The following GNG7 variants were observed in gnomAD, a reference collection of about 807,000 sequenced individuals.
GNG7 encodes G protein subunit gamma 7.
In GNG7, 1 loss-of-function variant was observed where a neutral mutation model predicts 4.0. The observed-to-expected ratio is 0.25, with a 90% CI of 0.09 to 1.18. The LOEUF (loss-of-function observed/expected upper bound fraction) is 1.18, where lower values mean the gene tolerates loss of function less well. GNG7 is among the 50% of genes most tolerant of loss of function. The pLI, the probability that GNG7 is intolerant of heterozygous loss-of-function variation, is 0.50. For synonymous variants in GNG7, 34 were observed against 36.9 expected (o/e 0.92, Z 0.29); for missense variants, 86 against 91.9 (o/e 0.94, Z 0.26).
At chr19:2,517,951 C>T (rs1978291420) in intron 4 of GNG7, among the ~76,000 whole-genome samples, 1 of 152,208 alleles carries the variant, frequency 6.6e-6, no homozygotes, top group African/African-American at 2.4e-5. Flanking sequence ...CTCATGCCCA[C>T]AGAGTGAGCC....
At chr19:2,700,078 CATAATA>C (rs752373419) in intron 1 of GNG7, among the ~76,000 whole-genome samples, 2 of 150,918 alleles carry the variant, frequency 1.3e-5, no homozygotes, top group Admixed American at 6.6e-5. Context: ...TCTGTCTCAA[CATAATA>C]ATAATAATAA....
chr19:2,614,258 C>T lies in GNG7; in HGVS notation c.-78+31966G>A, dbSNP rs1216533323. ...CGGCGACTTTCCCTAGCACCCTCTC[C>T]CTGCCCTCTGTGTACCCGCAGGGGG... On this transcript the variant is annotated intron_variant, in intron 2 of 4. Transcript: ENST00000382159. The surrounding 1 kb of genome is among the most constrained non-coding windows in gnomAD (Gnocchi z 6.0). Among the ~76,000 whole-genome samples the T allele has an allele frequency of 6.6e-6, 1 of 152,222 alleles. No individual in the cohort carries two copies. The highest frequency in any genetic ancestry group is 1.5e-5 in the Non-Finnish European group (1 of 68,024).
At chr19:2,536,705 C>G (rs73921331) in intron 3 of GNG7, among the ~76,000 whole-genome samples, 1,631 of 152,160 alleles carry the variant, frequency 0.011, 26 homozygotes, top group African/African-American at 0.038. Flanking sequence ...CTGAGCACGT[C>G]CCCTGGACTT....
chr19:2,573,023 T>A (rs1007928528), intron 2 of GNG7, among the ~76,000 whole-genome samples: 1 of 148,946 alleles, frequency 6.7e-6, no homozygotes, highest in African/African-American at 2.5e-5. Context: ...TTTCTCCTTT[T>A]TTTTTTTTTT....
At chr19:2,525,008 G>A (rs1978347732) in intron 3 of GNG7, among the ~76,000 whole-genome samples, 1 of 152,140 alleles carries the variant, frequency 6.6e-6, no homozygotes, top group Non-Finnish European at 1.5e-5. Context: ...CTAAGTCCCC[G>A]TCTCGGTGGT....
intron 2 of GNG7, among the ~76,000 whole-genome samples, chr19:2,604,083 C>T (rs1981299251): frequency 2.0e-5 from 3 of 151,948 alleles, no homozygotes. Context: ...ATCTCTTGAC[C>T]TCGTGATCCA....
chr19:2,579,191 T>A (rs1980429714), intron 2 of GNG7, among the ~76,000 whole-genome samples: 1 of 152,116 alleles, frequency 6.6e-6, no homozygotes, highest in African/African-American at 2.4e-5. Flanking sequence ...GACGCCAAGG[T>A]CTGCACAGGG....
At chr19:2,621,945 C>T (rs1981884030) in intron 2 of GNG7, among the ~76,000 whole-genome samples, 1 of 152,094 alleles carries the variant, frequency 6.6e-6, no homozygotes, top group Admixed American at 6.6e-5. Context: ...TTGATACTTC[C>T]GGGTCTGTGG....
chr19:2,659,022 G>T lies in GNG7; in HGVS notation c.-134-12742C>A, dbSNP rs548740031. On this transcript the variant is annotated intron_variant, in intron 1 of 4. Coordinates refer to ENST00000382159, the MANE Select transcript of GNG7 (RefSeq NM_052847.3). Reference sequence around the variant, plus strand: ...TCTCGCTCTGTCACCCAGGCTGGAGGGCAGTGGCACAATCTCGGCTCACTG... The same window carrying T: ...TCTCGCTCTGTCACCCAGGCTGGAGTGCAGTGGCACAATCTCGGCTCACTG... Among the ~76,000 whole-genome samples the T allele has an allele frequency of 2.4e-3, 367 of 151,422 alleles. 3 individuals carry two copies. The highest frequency in any genetic ancestry group is 7.9e-3 in the African/African-American group (326 of 41,266).
At chr19:2,547,282 T>C (rs991015500) in intron 3 of GNG7, among the ~76,000 whole-genome samples, 8 of 152,082 alleles carry the variant, frequency 5.3e-5, no homozygotes, top group African/African-American at 1.7e-4. Flanking sequence ...AGCTCTGGGC[T>C]CAGAGTCCAA....
intron 1 of GNG7, among the ~76,000 whole-genome samples, chr19:2,677,581 G>C (rs1983626083): frequency 1.3e-5 from 2 of 152,144 alleles, no homozygotes; most frequent in African/African-American, 4.8e-5. Flanking sequence ...AGAAACCAAG[G>C]GGGGCCCCAG....
chr19:2,684,749 G>A (rs541216070), intron 1 of GNG7, among the ~76,000 whole-genome samples: 16 of 152,244 alleles, frequency 1.1e-4, no homozygotes, highest in African/African-American at 3.6e-4. Context: ...AGCACTTTGG[G>A]AGGCCGAGGC....
chr19:2,546,159 G>A lies in GNG7; in HGVS notation c.-38+8990C>T, dbSNP rs1265449431. ...AGAGGGGACCCACGCAGAGCCCGGGGAGCCCGACTGAAATGGAAACTTCAA... is the reference window on the plus strand; with the variant it reads ...AGAGGGGACCCACGCAGAGCCCGGGAAGCCCGACTGAAATGGAAACTTCAA... On this transcript the variant is annotated intron_variant, in intron 3 of 4. Transcript: ENST00000382159. The surrounding 1 kb of genome is among the most constrained non-coding windows in gnomAD (Gnocchi z 6.3). 6.6e-6 allele frequency among the ~76,000 whole-genome samples: 1 copy of A among 152,214 alleles called. No homozygotes were observed. Among genetic ancestry groups the A allele is most frequent in the Non-Finnish European group, 1.5e-5 (1 of 68,036 alleles).
At position 2,557,627 on chromosome 19, in the gene GNG7, TCA is replaced by T. The variant is rs3049069; in HGVS notation, c.-77-2441_-77-2440del. 0.81 allele frequency among the ~76,000 whole-genome samples: 122,138 copies of T among 151,468 alleles called. 49,644 individuals are homozygous for T. The highest frequency in any genetic ancestry group is 0.9 in the African/African-American group (37,438 of 41,386). On this transcript the variant is annotated intron_variant, in intron 2 of 4. Coordinates refer to ENST00000382159, the MANE Select transcript of GNG7 (RefSeq NM_052847.3). This position sits in a 1 kb window ranked among gnomAD's most constrained non-coding sequence, Gnocchi z 5.1. ...CTTCTGACCCATCACAAACTCTGAG[TCA>T]AAGTGCGATGTGCCCAGGCCAGCCC...
intron 1 of GNG7, among the ~76,000 whole-genome samples, chr19:2,657,098 T>C (rs1226335125): frequency 1.3e-5 from 2 of 150,116 alleles, no homozygotes; most frequent in African/African-American, 4.9e-5. Context: ...CTTTGGGAGG[T>C]CTAGGAGGAC....
At chr19:2,567,775 C>A (rs947738572) in intron 2 of GNG7, among the ~76,000 whole-genome samples, 1 of 152,150 alleles carries the variant, frequency 6.6e-6, no homozygotes, top group Non-Finnish European at 1.5e-5. Flanking sequence ...GCCTTGTGGT[C>A]TAGGATGAGA....
chr19:2,689,479 C>T (rs915774198), intron 1 of GNG7, among the ~76,000 whole-genome samples: 2 of 151,528 alleles, frequency 1.3e-5, no homozygotes, highest in Admixed American at 6.6e-5. Context: ...AAAAAATAGC[C>T]GGGTGTGGTG....
chr19:2,642,262 G>A (rs1283954837), intron 2 of GNG7: 1 of 186,560 alleles, frequency 5.4e-6, no homozygotes, highest in Non-Finnish European at 1.1e-5. Flanking sequence ...GGGCCCACGG[G>A]AGATCAGAAA....
intron 2 of GNG7, among the ~76,000 whole-genome samples, chr19:2,590,888 T>C (rs1056226234): frequency 2.0e-5 from 3 of 151,280 alleles, no homozygotes; most frequent in African/African-American, 7.3e-5. Flanking sequence ...CATCCACCCA[T>C]CCATCCATTT....
Sources: gnomAD v4.1 joint callset for allele counts (sites outside exome capture counted in the v4.1 genomes callset) on GRCh38, gnomAD v4.1.1 for gene constraint, Gnocchi (gnomAD v3.1) non-coding constraint, MANE v1.5 for transcripts, NCBI Gene and HGNC (gene_info 2026-07-23, HGNC 2026-07-21) for gene names.